The following FAM20C variants were observed in gnomAD, a reference collection of about 807,000 sequenced individuals.
FAM20C encodes the protein FAM20C golgi associated secretory pathway kinase.
Under a neutral mutation model 51.5 loss-of-function variants are expected in FAM20C, and 40 were observed. The ratio of observed to expected loss-of-function variants is 0.78; its 90% CI spans 0.60 to 1.01. The LOEUF is 1.01. Among genes scored for constraint, FAM20C ranks in the 50% least tolerant of loss-of-function variants. The pLI, the probability that FAM20C is intolerant of heterozygous loss-of-function variation, is 0.00. For missense variants in FAM20C, 861 were observed against 844.7 expected, an observed-to-expected ratio of 1.02 and a Z score of -0.24; for synonymous variants, 406 against 380.6, an observed-to-expected ratio of 1.07 and a Z score of -0.78.
intron 3 of FAM20C, among the ~76,000 whole-genome samples, chr7:220,322 A>C (rs1232043289): frequency 6.6e-6 from 1 of 152,202 alleles, no homozygotes; most frequent in Admixed American, 6.5e-5. Context: ...TGCCCAGCAG[A>C]GTCGCTGGGC....
At chr7:246,911 C>A (rs981729956) in intron 4 of FAM20C, among the ~76,000 whole-genome samples, 1 of 152,210 alleles carries the variant, frequency 6.6e-6, no homozygotes, top group Non-Finnish European at 1.5e-5. Context: ...AGGGCGCCTG[C>A]CCTCAGGGCA....
intron 3 of FAM20C, among the ~76,000 whole-genome samples, chr7:232,748 C>A (rs900949196): frequency 6.6e-6 from 1 of 152,244 alleles, no homozygotes; most frequent in Non-Finnish European, 1.5e-5. Flanking sequence ...GAATGCCTAG[C>A]GCCGCGGCTG....
At chr7:253,687 G>A (rs1484530131) in intron 5 of FAM20C, among the ~76,000 whole-genome samples, 1 of 135,756 alleles carries the variant, frequency 7.4e-6, no homozygotes, top group Non-Finnish European at 1.7e-5. Flanking sequence ...ACAGAGCAGG[G>A]AGGCACTTGC....
intron 3 of FAM20C, among the ~76,000 whole-genome samples, chr7:232,286 A>G (rs1787723193): frequency 6.6e-6 from 1 of 152,162 alleles, no homozygotes. Flanking sequence ...CCTTGTGGCT[A>G]CCTGTCTGTT....
chr7:246,152 C>T, intron 3 of FAM20C: 2 of 435,932 alleles, frequency 4.6e-6, no homozygotes, highest in Non-Finnish European at 8.5e-6. Flanking sequence ...GTCGCAAGGG[C>T]CTGCGCTGCT....
chr7:219,724 C>T (rs1357647905), intron 3 of FAM20C, among the ~76,000 whole-genome samples: 4 of 152,100 alleles, frequency 2.6e-5, no homozygotes, highest in African/African-American at 7.2e-5. Context: ...GGGGTAAGGA[C>T]GGGGAGGGCA....
intron 5 of FAM20C, among the ~76,000 whole-genome samples, chr7:248,770 G>A (rs1441946361): frequency 4.1e-5 from 6 of 145,708 alleles, no homozygotes; most frequent in Non-Finnish European, 4.5e-5. Context: ...AGCCTGGCAC[G>A]GGGAGACCAC....
chr7:210,749 G>C (rs145538940), intron 3 of FAM20C, among the ~76,000 whole-genome samples: 1 of 152,106 alleles, frequency 6.6e-6, no homozygotes, highest in Non-Finnish European at 1.5e-5. Flanking sequence ...CAGCTTGTCC[G>C]GCCCCTATTT....
In FAM20C at chr7:255,981, C is replaced by A; in HGVS notation, c.1205C>A (p.Thr402Asn). Residue 402 changes from threonine to asparagine, a missense_variant, in exon 6 of 10, where the codon ACC becomes AAC. Transcript: ENST00000313766. ...GACCTGTCCCTGGCCAAGAGGAAGA[C>A]CTGGCGGAACCCTTGGCGGCGTTCC... The part of the protein sequence containing the change: ...LPDLSLAKRK[T>N]WRNPWRRSYH... 6.5e-7 allele frequency: 1 copy of A among 1,536,164 alleles called. No homozygotes were observed. The highest frequency in any genetic ancestry group is 8.7e-7 in the Non-Finnish European group (1 of 1,146,826).
intron 3 of FAM20C, among the ~76,000 whole-genome samples, chr7:222,849 C>G (rs1787292422): frequency 6.7e-6 from 1 of 148,904 alleles, no homozygotes; most frequent in African/African-American, 2.5e-5. Flanking sequence ...GCATGCATGT[C>G]CTGTGTGGGT....
At chr7:212,136 A>G (rs968414753) in intron 3 of FAM20C, among the ~76,000 whole-genome samples, 2 of 152,222 alleles carry the variant, frequency 1.3e-5, no homozygotes, top group African/African-American at 4.8e-5. Context: ...GTTCATGACC[A>G]TAGCATTAAT....
chr7:244,704 C>A (rs1788079872), intron 3 of FAM20C, among the ~76,000 whole-genome samples: 1 of 152,224 alleles, frequency 6.6e-6, no homozygotes, highest in African/African-American at 2.4e-5. Context: ...GCAAATGTGA[C>A]CTTCAGGCGC....
chr7:199,765 T>A (rs1046478155), intron 2 of FAM20C, among the ~76,000 whole-genome samples: 4 of 152,186 alleles, frequency 2.6e-5, no homozygotes, highest in Admixed American at 2.0e-4. Context: ...ATTATCTACC[T>A]CTATTCAGCT....
chr7:205,911 G>C (rs1377684992), intron 2 of FAM20C, among the ~76,000 whole-genome samples: 1 of 152,006 alleles, frequency 6.6e-6, no homozygotes, highest in African/African-American at 2.4e-5. Flanking sequence ...GGTTCCTCTG[G>C]GTCAGTTCTT....
chr7:228,421 G>T (rs1240547418), intron 3 of FAM20C: 3 of 455,530 alleles, frequency 6.6e-6, no homozygotes, highest in South Asian at 4.7e-5. Flanking sequence ...GGGTTGAGGA[G>T]ACCCCCAAGA....
At chr7:226,646 C>T (rs1258341322) in intron 3 of FAM20C, among the ~76,000 whole-genome samples, 3 of 152,160 alleles carry the variant, frequency 2.0e-5, no homozygotes, top group Admixed American at 1.3e-4. Context: ...CCACTGCCCA[C>T]GACAGGCCCG....
At chr7:257,839 G>T (rs1788660129) in intron 8 of FAM20C, among the ~76,000 whole-genome samples, 1 of 128,652 alleles carries the variant, frequency 7.8e-6, no homozygotes, top group African/African-American at 3.0e-5. Context: ...GATGGGCAGG[G>T]TGGACCCACT....
intron 6 of FAM20C, 97 bp downstream of exon 6, chr7:256,126 A>C: frequency 7.1e-7 from 1 of 1,414,902 alleles, no homozygotes; most frequent in Non-Finnish European, 9.4e-7. Flanking sequence ...CGGGGGTGGC[A>C]GAGATGGGTG....
At chr7:226,499 C>G (rs989175660) in intron 3 of FAM20C, among the ~76,000 whole-genome samples, 2 of 152,200 alleles carry the variant, frequency 1.3e-5, no homozygotes, top group African/African-American at 4.8e-5. Flanking sequence ...GTCGCTGTCC[C>G]GCAGCCACAC....
Sources: gnomAD v4.1 joint callset for allele counts (sites outside exome capture counted in the v4.1 genomes callset) on GRCh38, gnomAD v4.1.1 for gene constraint, MANE v1.5 for transcripts, NCBI Gene and HGNC (gene_info 2026-07-23, HGNC 2026-07-21) for gene names.